The following ALG8 variants were observed in gnomAD, a reference collection of about 807,000 sequenced individuals.
ALG8 encodes ALG8 alpha-1,3-glucosyltransferase, also known as dolichyl pyrophosphate Glc1Man9GlcNAc2 alpha-1,3-glucosyltransferase.
In ALG8, 48 loss-of-function variants were observed where a neutral mutation model predicts 70.2. The ratio of observed to expected loss-of-function variants is 0.68; its 90% CI spans 0.54 to 0.87. The LOEUF (loss-of-function observed/expected upper bound fraction) is 0.87. Among genes scored for constraint, ALG8 ranks in the 40% least tolerant of loss-of-function variants. The probability of loss-of-function intolerance (pLI) is 0.00; values close to 1 mark genes in which losing one functional copy is unlikely to be tolerated. For missense variants in ALG8, 572 were observed against 608.7 expected (o/e 0.94, Z 0.64); for synonymous variants, 234 against 229.0 (o/e 1.02, Z -0.20).
At position 78,101,110 on chromosome 11, in the gene ALG8, G is replaced by A; in HGVS notation, c.1435C>T (p.Pro479Ser). 2.5e-6 allele frequency: 4 copies of A among 1,614,166 alleles called. No individual in the cohort carries two copies. The highest frequency in any genetic ancestry group is 3.4e-6 in the Non-Finnish European group (4 of 1,180,028). ...PLEVCCEFVF[P>S]FTSWKVKYPF... ...TACTTCACCTTCCAGGAGGTGAAAG[G>A]GAATACAAATTCACAGCAGACTTCC... The change falls in exon 13 of 13, where the codon CCT becomes TCT. Residue 479 changes from proline (P) to serine (S), a missense_variant. Physicochemically the swap from Pro to Ser is moderately conservative, Grantham distance 74 (BLOSUM62 -1). Transcript: ENST00000299626.
intron 1 of ALG8, among the ~76,000 whole-genome samples, chr11:78,136,700 T>C (rs1037658965): frequency 6.6e-6 from 1 of 152,176 alleles, no homozygotes; most frequent in South Asian, 2.1e-4. Context: ...ATTTTTAGAA[T>C]AGTAAGTGAG....
intron 2 of ALG8, among the ~76,000 whole-genome samples, chr11:78,125,874 T>C (rs1861047882): frequency 6.7e-6 from 1 of 149,648 alleles, no homozygotes; most frequent in African/African-American, 2.5e-5. Flanking sequence ...TCAAGAAATT[T>C]CTGGGCCGGG....
chr11:78,120,949 C>T (rs775989340), intron 4 of ALG8, 116 bp downstream of exon 4: 1 of 982,222 alleles, frequency 1.0e-6, no homozygotes, highest in Non-Finnish European at 1.6e-6. Context: ...CTAACCCACC[C>T]CACACTCATT....
At chr11:78,138,615 G>A (rs1373724064) in intron 1 of ALG8, 2 of 427,094 alleles carry the variant, frequency 4.7e-6, no homozygotes, top group Non-Finnish European at 9.4e-6. Context: ...CTAGGAAGTG[G>A]GAGGGAAAGG....
intron 1 of ALG8, 36 bp downstream of exon 1, chr11:78,139,458 C>CT: frequency 6.5e-7 from 1 of 1,548,686 alleles, no homozygotes; most frequent in Non-Finnish European, 8.7e-7. Flanking sequence ...ACCGCGGGGC[C>CT]TCCCCGCCCA....
At chr11:78,134,139 G>GT (rs762274757) in intron 1 of ALG8, among the ~76,000 whole-genome samples, 268 of 139,896 alleles carry the variant, frequency 1.9e-3, no homozygotes, top group Admixed American at 2.5e-3. Flanking sequence ...TGGCAAACTG[G>GT]TTTTTTTTTT....
intron 1 of ALG8, among the ~76,000 whole-genome samples, chr11:78,134,549 C>T (rs1399849022): frequency 6.6e-6 from 1 of 152,144 alleles, no homozygotes; most frequent in Non-Finnish European, 1.5e-5. Flanking sequence ...AGGATTTTAC[C>T]CACAGTAAAA....
chr11:78,109,164 C>T (rs1259771758), intron 9 of ALG8, among the ~76,000 whole-genome samples: 1 of 152,222 alleles, frequency 6.6e-6, no homozygotes, highest in Non-Finnish European at 1.5e-5. Flanking sequence ...TGATCCATGC[C>T]TCTTCCTCTC....
chr11:78,121,374 G>A (rs1257343031), intron 3 of ALG8, among the ~76,000 whole-genome samples, 200 bp from the exon 4 acceptor site: 1 of 149,774 alleles, frequency 6.7e-6, no homozygotes, highest in African/African-American at 2.5e-5. Context: ...CGAACTCCTG[G>A]GCTCAAGCAA....
At chr11:78,136,083 T>C (rs1468508761) in intron 1 of ALG8, among the ~76,000 whole-genome samples, 3 of 151,810 alleles carry the variant, frequency 2.0e-5, no homozygotes, top group South Asian at 4.2e-4. Flanking sequence ...GATGGGAGGA[T>C]TGTTTGAGCC....
chr11:78,103,442 C>T (rs59389449), intron 12 of ALG8: 12,730 of 151,956 alleles, frequency 0.084, 1,799 homozygotes, highest in African/African-American at 0.29. Flanking sequence ...CCAGCCTGGG[C>T]GACAAGAGTG....
intron 8 of ALG8, among the ~76,000 whole-genome samples, chr11:78,110,209 C>T (rs1486129331): frequency 6.6e-6 from 1 of 151,882 alleles, no homozygotes; most frequent in African/African-American, 2.4e-5. Flanking sequence ...TGGAGTCTTA[C>T]TCTGTCACCC....
chr11:78,119,065 C>T (rs976330435), intron 5 of ALG8, 117 bp downstream of exon 5: 11 of 746,126 alleles, frequency 1.5e-5, no homozygotes, highest in African/African-American at 1.2e-4. Flanking sequence ...AAGTGTCTAT[C>T]GCACTTGGCA....
At chr11:78,138,803 T>C (rs1392574987) in intron 1 of ALG8, 4 of 456,206 alleles carry the variant, frequency 8.8e-6, no homozygotes, top group Non-Finnish European at 1.8e-5. Context: ...CTAACTGTGG[T>C]CTTCGAAACC....
chr11:78,134,762 C>T (rs1327641743), intron 1 of ALG8, among the ~76,000 whole-genome samples: 2 of 152,220 alleles, frequency 1.3e-5, no homozygotes, highest in South Asian at 2.1e-4. Context: ...CATGAGATAT[C>T]ATGCAGCAAT....
At position 78,119,215 on chromosome 11, in the gene ALG8, T is replaced by C. The variant is rs761406814; in HGVS notation, c.513A>G (p.Gly171=). Residue 171 remains glycine (G), a synonymous_variant, in exon 5 of 13, where the codon GGA becomes GGG. Coordinates refer to ENST00000299626, the MANE Select transcript of ALG8 (RefSeq NM_024079.5). ...IHFQYNGFLF[G]LMLLSIARLF... ...ATCGTGCAATGGAGAGTAGCATTAA[T>C]CCAAATAAAAAGCCATTGTACTGAA... 2 of 1,612,116 alleles carry C rather than the reference T, an allele frequency of 1.2e-6. No individual in the cohort carries two copies. The highest frequency in any genetic ancestry group is 1.6e-4 in the Middle Eastern group (1 of 6,078).
intron 1 of ALG8, among the ~76,000 whole-genome samples, chr11:78,136,035 TG>T (rs1450309964): frequency 8.6e-5 from 13 of 151,834 alleles, no homozygotes; most frequent in African/African-American, 2.9e-4. Context: ...CTGGGTGTAG[TG>T]GTGTGCACCT....
rs1026763925 is a variant in ALG8, at chr11:78,139,192, A to G, written c.95+302T>C. 3.6e-4 allele frequency: 156 copies of G among 438,642 alleles called. 2 individuals are homozygous for G. Among genetic ancestry groups the G allele is most frequent in the Non-Finnish European group, 7.2e-5 (17 of 237,378 alleles). The allele number at this position is 438,642 out of a possible 1,614,324, so 27.2% of individuals were successfully genotyped here. A position where few individuals can be genotyped will look rare whatever the true frequency, so the allele number is the denominator to read the frequency against. ...CGGTACCTGGCACCTCAGGCATCTGATAATACTGGCTGAATGGCTGTTGGA... is the reference window on the plus strand; with the variant it reads ...CGGTACCTGGCACCTCAGGCATCTGGTAATACTGGCTGAATGGCTGTTGGA... On this transcript the variant is annotated intron_variant, in intron 1 of 12. Transcript: ENST00000299626.
At chr11:78,130,348 C>CAATAAAAAAA (rs1284053225) in intron 1 of ALG8, among the ~76,000 whole-genome samples, 9 of 49,156 alleles carry the variant, frequency 1.8e-4, no homozygotes, top group Admixed American at 5.9e-4. Flanking sequence ...GACCCGGTCT[C>CAATAAAAAAA]AAAAAAAAAA....
Sources: allele counts gnomAD v4.1 joint callset (sites outside exome capture counted in the v4.1 genomes callset), GRCh38; gene constraint gnomAD v4.1.1; transcripts MANE v1.5; gene names NCBI Gene and HGNC (gene_info 2026-07-23, HGNC 2026-07-21).